Variants in MSH3 observed in about 807,000 individuals in gnomAD.
MSH3 encodes the protein DNA mismatch repair protein Msh3.
A neutral mutation model predicts 123.3 loss-of-function variants in MSH3; 106 were observed. The observed-to-expected ratio is 0.86, with a 90% CI of 0.73 to 1.01. The LOEUF (loss-of-function observed/expected upper bound fraction) is 1.01, where lower values mean the gene tolerates loss of function less well. MSH3 is among the 50% of genes least tolerant of loss of function. The pLI is 0.00. For missense variants in MSH3, 1,459 were observed against 1,347.6 expected, an observed-to-expected ratio of 1.08 and a Z score of -1.29; for synonymous variants, 515 against 481.4, an observed-to-expected ratio of 1.07 and a Z score of -0.91.
intron 20 of MSH3, among the ~76,000 whole-genome samples, chr5:80,830,979 A>G (rs1456931297): frequency 2.6e-5 from 4 of 152,218 alleles, no homozygotes; most frequent in Non-Finnish European, 4.4e-5. Flanking sequence ...GAAGGATTAT[A>G]TGAGAGAAAC....
At chr5:80,846,296 C>T (rs983971260) in intron 20 of MSH3, among the ~76,000 whole-genome samples, 5 of 151,978 alleles carry the variant, frequency 3.3e-5, no homozygotes, top group East Asian at 3.9e-4. Context: ...GAGGGGCACC[C>T]GCCTGTTTGA....
intron 8 of MSH3, among the ~76,000 whole-genome samples, chr5:80,697,853 T>C (rs968592790): frequency 6.6e-6 from 1 of 152,224 alleles, no homozygotes; most frequent in Non-Finnish European, 1.5e-5. Context: ...TCAAGTTTAT[T>C]TTATTAAATT....
chr5:80,845,155 T>A (rs1745698174), intron 20 of MSH3, among the ~76,000 whole-genome samples: 1 of 152,166 alleles, frequency 6.6e-6, no homozygotes, highest in Non-Finnish European at 1.5e-5. Flanking sequence ...CTCCCCCACA[T>A]ATGAAGCTTA....
chr5:80,762,070 T>C (rs1744045209), intron 13 of MSH3, among the ~76,000 whole-genome samples: 1 of 152,080 alleles, frequency 6.6e-6, no homozygotes, highest in Admixed American at 6.5e-5. Flanking sequence ...TATGGAAAAA[T>C]CTGCTAGTAT....
At chr5:80,803,864 G>A (rs575770248) in intron 19 of MSH3, among the ~76,000 whole-genome samples, 149 of 152,240 alleles carry the variant, frequency 9.8e-4, no homozygotes, top group African/African-American at 3.4e-3. Flanking sequence ...TGAGTGCACT[G>A]TAGGTGTGTG....
chr5:80,685,201 CTTTTT>C (rs70991171), intron 8 of MSH3, among the ~76,000 whole-genome samples: 1 of 107,650 alleles, frequency 9.3e-6, no homozygotes, highest in Non-Finnish European at 1.9e-5. Flanking sequence ...AAGTATTCTC[CTTTTT>C]TTTTTTTTTT....
intron 8 of MSH3, among the ~76,000 whole-genome samples, chr5:80,698,004 C>G (rs1442400731): frequency 1.3e-5 from 2 of 152,092 alleles, no homozygotes; most frequent in African/African-American, 4.8e-5. Flanking sequence ...ACCCCCCAGG[C>G]TCAAGCAATC....
At chr5:80,724,342 T>C (rs1751148948) in intron 8 of MSH3, among the ~76,000 whole-genome samples, 1 of 150,162 alleles carries the variant, frequency 6.7e-6, no homozygotes, top group African/African-American at 2.5e-5. Context: ...GACACAGAAA[T>C]ATGTTTATAA....
chr5:80,811,455 C>T (rs2112051107), intron 19 of MSH3, among the ~76,000 whole-genome samples: 1 of 152,162 alleles, frequency 6.6e-6, no homozygotes, highest in East Asian at 1.9e-4. Flanking sequence ...CTTGGATTGA[C>T]TTATTAATAG....
chr5:80,816,002 G>A (rs1425763175), intron 20 of MSH3, among the ~76,000 whole-genome samples: 1 of 152,202 alleles, frequency 6.6e-6, no homozygotes, highest in African/African-American at 2.4e-5. Context: ...AGTACTTTAT[G>A]TAAGTACATT....
intron 10 of MSH3, among the ~76,000 whole-genome samples, chr5:80,734,470 G>A (rs1743466696): frequency 1.3e-5 from 2 of 152,196 alleles, no homozygotes; most frequent in African/African-American, 4.8e-5. Context: ...CAATAAAGTT[G>A]ATAGACACAT....
rs148866184 is a variant in MSH3, at chr5:80,695,427, C to T, written c.1340+16334C>T. Among the ~76,000 whole-genome samples the T allele has an allele frequency of 1.3e-3, 204 of 152,162 alleles. 2 individuals carry two copies. The East Asian group carries it at 0.032, about 24-fold the overall frequency. On this transcript the variant is annotated intron_variant, in intron 8 of 23. Coordinates refer to ENST00000265081, the MANE Select transcript of MSH3 (RefSeq NM_002439.5). Reference sequence around the variant, plus strand: ...TCAGCTCACTGCAACCTCCGCCCCCCGGGTTCAAGCAGTTTTCCTGCCTTA... The same window carrying T: ...TCAGCTCACTGCAACCTCCGCCCCCTGGGTTCAAGCAGTTTTCCTGCCTTA...
At chr5:80,830,200 T>C (rs936364654) in intron 20 of MSH3, among the ~76,000 whole-genome samples, 1 of 152,196 alleles carries the variant, frequency 6.6e-6, no homozygotes, top group Non-Finnish European at 1.5e-5. Flanking sequence ...GATTTTTCTC[T>C]ATTGATTTTC....
intron 8 of MSH3, among the ~76,000 whole-genome samples, chr5:80,700,206 C>G (rs1001965294): frequency 1.3e-5 from 2 of 152,108 alleles, no homozygotes; most frequent in African/African-American, 2.4e-5. Flanking sequence ...ATGGTGAAAC[C>G]TCATCTCTAC....
chr5:80,781,597 G>T (rs1340020446), intron 17 of MSH3, among the ~76,000 whole-genome samples: 1 of 151,702 alleles, frequency 6.6e-6, no homozygotes, highest in Non-Finnish European at 1.5e-5. Flanking sequence ...CCCCCTAGTA[G>T]CTGGGACCAC....
chr5:80,810,236 G>A lies in MSH3; in HGVS notation c.2656-3348G>A, dbSNP rs568838882. Among the ~76,000 whole-genome samples, 47 of 138,864 alleles carry A rather than the reference G, an allele frequency of 3.4e-4. No homozygotes were observed. In the East Asian group the frequency reaches 7.3e-3, roughly 22 times the overall value. 91.1% of individuals were successfully genotyped at this position (138,864 alleles called of 152,430 possible). A position where few individuals can be genotyped will look rare whatever the true frequency, so the allele number is the denominator to read the frequency against. ...ATCATGTTTTGTGTATTTTAAAAAA[G>A]GTACATTAATGTCTCACTGAGCTTA... On this transcript the variant is annotated intron_variant, in intron 19 of 23. Coordinates refer to ENST00000265081, the MANE Select transcript of MSH3 (RefSeq NM_002439.5).
chr5:80,702,927 A>T (rs1167851233), intron 8 of MSH3, among the ~76,000 whole-genome samples: 1 of 152,122 alleles, frequency 6.6e-6, no homozygotes, highest in Non-Finnish European at 1.5e-5. Context: ...CAGGAGAATC[A>T]CTTGAACCCG....
chr5:80,761,143 G>A (rs1271749751), intron 12 of MSH3, among the ~76,000 whole-genome samples: 2 of 152,136 alleles, frequency 1.3e-5, no homozygotes, highest in Admixed American at 6.5e-5. Flanking sequence ...AATTAGGCCC[G>A]CAGACAATTC....
intron 12 of MSH3, among the ~76,000 whole-genome samples, chr5:80,749,377 G>T (rs950275135): frequency 3.3e-5 from 5 of 152,182 alleles, no homozygotes. Flanking sequence ...ACAGGAGAAA[G>T]ATGGAGGCCT....
Sources: gnomAD v4.1 joint callset for allele counts (sites outside exome capture counted in the v4.1 genomes callset) on GRCh38, gnomAD v4.1.1 for gene constraint, MANE v1.5 for transcripts, NCBI Gene and HGNC (gene_info 2026-07-23, HGNC 2026-07-21) for gene names.